Variants in RBM27 observed in about 807,000 individuals in gnomAD.
The protein encoded by RBM27 is RNA binding motif protein 27.
RBM27 carries 22 observed loss-of-function variants against 135.3 expected under a neutral mutation model. The ratio of observed to expected loss-of-function variants is 0.16; its 90% CI spans 0.12 to 0.23. The LOEUF (loss-of-function observed/expected upper bound fraction) is 0.23. Ranked by LOEUF, RBM27 falls within the 10% of genes least tolerant of loss-of-function variation. The pLI is 1.00. For missense variants in RBM27, 1,009 were observed against 1,281.0 expected (o/e 0.79, Z 3.24); for synonymous variants, 481 against 442.4 (o/e 1.09, Z -1.10).
chr5:146,277,680 G>A (rs1759151519), intron 19 of RBM27, among the ~76,000 whole-genome samples: 1 of 151,170 alleles, frequency 6.6e-6, no homozygotes, highest in South Asian at 2.1e-4. Flanking sequence ...CCGCCACCAG[G>A]CCCAGCTAAT....
At chr5:146,233,907 G>A (rs148798641) in intron 7 of RBM27, among the ~76,000 whole-genome samples, 164 bp downstream of exon 7, 20 of 151,884 alleles carry the variant, frequency 1.3e-4, no homozygotes, top group African/African-American at 4.3e-4. Flanking sequence ...TTTTTCATCC[G>A]TTATTGCATG....
chr5:146,280,879 A>AT (rs1482662023), intron 19 of RBM27, among the ~76,000 whole-genome samples: 2 of 147,040 alleles, frequency 1.4e-5, no homozygotes, highest in Non-Finnish European at 3.0e-5. Context: ...TATTTTTGAG[A>AT]CAGAGTCTCG....
chr5:146,289,150 G>C lies in RBM27; in HGVS notation c.*3120G>C, dbSNP rs1011690215. The C allele has an allele frequency of 1.3e-5, 2 of 151,672 alleles. No homozygotes were observed. Among genetic ancestry groups the C allele is most frequent in the Non-Finnish European group, 2.9e-5 (2 of 67,820 alleles). 9.4% of individuals were successfully genotyped at this position (151,672 alleles called of 1,614,324 possible). A position where few individuals can be genotyped will look rare whatever the true frequency, so the allele number is the denominator to read the frequency against. ...ACAATTGGAAAAAAAAAAGAAAAAA[G>C]ATGAAAGTATTACAAATTTAAAAGA... On this transcript the variant is annotated 3_prime_UTR_variant, in exon 21 of 21. Transcript: ENST00000265271.
At chr5:146,234,717 C>T (rs1757085660) in intron 7 of RBM27, among the ~76,000 whole-genome samples, 1 of 151,924 alleles carries the variant, frequency 6.6e-6, no homozygotes, top group Non-Finnish European at 1.5e-5. Flanking sequence ...ACGTTATCTG[C>T]TTGAAGACTT....
intron 2 of RBM27, among the ~76,000 whole-genome samples, chr5:146,220,766 A>G (rs1001218685): frequency 6.6e-6 from 1 of 152,276 alleles, no homozygotes. Context: ...CCCAGTACAG[A>G]TGTTTTCTTT....
intron 8 of RBM27, among the ~76,000 whole-genome samples, chr5:146,247,712 T>A (rs1757690142): frequency 6.6e-6 from 1 of 152,218 alleles, no homozygotes; most frequent in Non-Finnish European, 1.5e-5. Context: ...TTTTTTTCTT[T>A]TTTTGGCAAG....
At chr5:146,278,511 ATATT>A (rs1759187917) in intron 19 of RBM27, among the ~76,000 whole-genome samples, 1 of 152,038 alleles carries the variant, frequency 6.6e-6, no homozygotes, top group Admixed American at 6.6e-5. Flanking sequence ...CTCTCTATAT[ATATT>A]ATTTGTTCTC....
chr5:146,245,327 ACT>A (rs1757580059), intron 8 of RBM27: 1 of 152,036 alleles, frequency 6.6e-6, no homozygotes, highest in African/African-American at 2.4e-5. Flanking sequence ...AGTAAAGTAC[ACT>A]CTCTTTTCTA....
intron 20 of RBM27, among the ~76,000 whole-genome samples, chr5:146,285,309 T>C (rs1395400633): frequency 3.3e-5 from 5 of 152,158 alleles, no homozygotes; most frequent in Non-Finnish European, 7.4e-5. Flanking sequence ...GTTTTCCTGA[T>C]TTATATGACA....
chr5:146,214,457 C>T (rs1475803215), intron 1 of RBM27, among the ~76,000 whole-genome samples: 1 of 152,130 alleles, frequency 6.6e-6, no homozygotes, highest in Non-Finnish European at 1.5e-5. Context: ...AGTGATGCTG[C>T]ACTTGTCTTA....
chr5:146,263,695 G>A (rs1758491854), intron 14 of RBM27, 64 bp downstream of exon 14: 11 of 1,552,282 alleles, frequency 7.1e-6, no homozygotes, highest in Non-Finnish European at 9.7e-6. Flanking sequence ...GAATAAATCA[G>A]TTATCATTCA....
rs1212492460 is a variant in RBM27 at position 146,237,394 on chromosome 5, C to T, written c.1241C>T (p.Pro414Leu). 2 of 1,614,060 alleles carry T rather than the reference C, an allele frequency of 1.2e-6. No individual in the cohort carries two copies. The highest frequency in any genetic ancestry group is 1.1e-5 in the South Asian group (1 of 91,084). The change falls in exon 8 of 21, where the codon CCT becomes CTT. Residue 414 changes from proline (P) to leucine (L), a missense_variant. Physicochemically the swap from Pro to Leu is moderately conservative, Grantham distance 98. This residue lies in a region of RBM27 where 329 missense variants were observed against 368.1 expected (regional missense o/e 0.89). Coordinates refer to ENST00000265271, the MANE Select transcript of RBM27 (RefSeq NM_018989.2). The part of the protein sequence containing the change: ...NLASVGTRLP[P>L]PLPQNLLYTV... ...GCATCAGTGGGAACAAGACTACCTC[C>T]TCCTTTACCCCAGAACCTCCTTTAC...
At chr5:146,245,422 G>A (rs1757585026) in intron 8 of RBM27, among the ~76,000 whole-genome samples, 1 of 152,196 alleles carries the variant, frequency 6.6e-6, no homozygotes, top group Non-Finnish European at 1.5e-5. Context: ...TGTACTGGAT[G>A]TGTGAAAAAG....
At chr5:146,254,718 A>G (rs1468517799) in intron 9 of RBM27, among the ~76,000 whole-genome samples, 1 of 152,184 alleles carries the variant, frequency 6.6e-6, no homozygotes, top group East Asian at 1.9e-4. Flanking sequence ...GTTATATGCA[A>G]ATACCACCAC....
At chr5:146,237,259 T>C in intron 7 of RBM27, 39 bp from the exon 8 acceptor site, 1 of 1,612,134 alleles carries the variant, frequency 6.2e-7, no homozygotes. Flanking sequence ...TTAGGAAATA[T>C]TAATGCTGTA....
At chr5:146,274,441 C>T (rs1051494079) in intron 19 of RBM27, among the ~76,000 whole-genome samples, 4 of 151,992 alleles carry the variant, frequency 2.6e-5, no homozygotes, top group African/African-American at 9.7e-5. Context: ...GTATTTTTTA[C>T]TAGAGATGGG....
intron 2 of RBM27, among the ~76,000 whole-genome samples, chr5:146,220,350 C>T (rs1161242341): frequency 6.6e-6 from 1 of 151,832 alleles, no homozygotes; most frequent in Non-Finnish European, 1.5e-5. Flanking sequence ...TGGCGTGTGC[C>T]TGTAGTCCCA....
intron 6 of RBM27, among the ~76,000 whole-genome samples, chr5:146,231,807 G>T (rs1199090238): frequency 6.6e-6 from 1 of 151,732 alleles, no homozygotes; most frequent in East Asian, 1.9e-4. Context: ...TAGAGACGGG[G>T]TTTCACCATG....
chr5:146,272,166 TTTA>T (rs1157539264), intron 19 of RBM27, among the ~76,000 whole-genome samples: 1 of 152,236 alleles, frequency 6.6e-6, no homozygotes, highest in African/African-American at 2.4e-5. Context: ...CAGTAAATAT[TTTA>T]TTGACATTAT....
Sources: allele counts gnomAD v4.1 joint callset (sites outside exome capture counted in the v4.1 genomes callset), GRCh38; gene constraint gnomAD v4.1.1; regional missense constraint gnomAD v4.1.1; transcripts MANE v1.5; gene names NCBI Gene and HGNC (gene_info 2026-07-23, HGNC 2026-07-21).